NLGN1: variants seen among roughly 807,000 people sequenced by gnomAD.
NLGN1 encodes neuroligin 1.
Under a neutral mutation model 65.5 loss-of-function variants are expected in NLGN1, and 12 were observed. That is an observed-to-expected ratio of 0.18 (90% CI 0.12 to 0.30). The LOEUF (loss-of-function observed/expected upper bound fraction) is 0.30, where lower values mean the gene tolerates loss of function less well. Among genes scored for constraint, NLGN1 ranks in the 10% least tolerant of loss-of-function variants. The pLI, the probability that NLGN1 is intolerant of heterozygous loss-of-function variation, is 1.00. For missense variants in NLGN1, 750 were observed against 1,007.1 expected, an observed-to-expected ratio of 0.74 and a Z score of 3.46; for synonymous variants, 350 against 359.5, an observed-to-expected ratio of 0.97 and a Z score of 0.30.
rs80153837 is a variant in NLGN1 at position 173,647,232 on chromosome 3, C to A, written c.493+42141C>A. 1.7e-3 allele frequency among the ~76,000 whole-genome samples: 254 copies of A among 152,094 alleles called. 3 individuals carry two copies. Among genetic ancestry groups the A allele is most frequent in the Non-Finnish European group, 2.0e-3 (138 of 67,924 alleles). On this transcript the variant is annotated intron_variant, in intron 3 of 6. Coordinates refer to ENST00000457714, the Ensembl canonical transcript of NLGN1. Reference sequence around the variant, plus strand: ...AACTTCAAGGAGAAACAGACAAATACAAAATTTTAATCAGAAATTGAAATA... The same window carrying A: ...AACTTCAAGGAGAAACAGACAAATAAAAAATTTTAATCAGAAATTGAAATA...
chr3:173,678,146 C>T (rs1428292684), intron 3 of NLGN1, among the ~76,000 whole-genome samples: 1 of 152,030 alleles, frequency 6.6e-6, no homozygotes, highest in Non-Finnish European at 1.5e-5. Context: ...CCTGAGCGTC[C>T]ACAGGCCTTT....
chr3:173,683,016 G>T (rs1420533259), intron 3 of NLGN1, among the ~76,000 whole-genome samples: 2 of 152,134 alleles, frequency 1.3e-5, no homozygotes, highest in Non-Finnish European at 2.9e-5. Flanking sequence ...ACTGTTAAAA[G>T]TTATTAAAAC....
chr3:173,434,645 A>G (rs1019912264), intron 1 of NLGN1, among the ~76,000 whole-genome samples: 2 of 152,190 alleles, frequency 1.3e-5, no homozygotes, highest in African/African-American at 2.4e-5. Flanking sequence ...ATCAAGAGCT[A>G]AGTTCCTTGA....
intron 4 of NLGN1, among the ~76,000 whole-genome samples, chr3:174,101,167 G>T (rs747799449): frequency 2.2e-4 from 34 of 152,228 alleles, no homozygotes; most frequent in Non-Finnish European, 4.6e-4. Flanking sequence ...ATTCAACCAT[G>T]CAAGTAAGGT....
At chr3:173,522,788 A>G (rs1734983466) in intron 2 of NLGN1, among the ~76,000 whole-genome samples, 1 of 152,110 alleles carries the variant, frequency 6.6e-6, no homozygotes. Flanking sequence ...GATACGCAGT[A>G]GTGGGATTTC....
At chr3:173,875,682 C>G (rs1411531376) in intron 4 of NLGN1, among the ~76,000 whole-genome samples, 2 of 151,824 alleles carry the variant, frequency 1.3e-5, no homozygotes, top group Non-Finnish European at 2.9e-5. Context: ...AAACAGAATC[C>G]TCATAATGCC....
At chr3:173,914,099 G>T (rs1223008297) in intron 4 of NLGN1, among the ~76,000 whole-genome samples, 1 of 152,142 alleles carries the variant, frequency 6.6e-6, no homozygotes, top group Non-Finnish European at 1.5e-5. Context: ...ATACACAGTT[G>T]ATATATTTGG....
chr3:174,106,980 TCACACACACACACACACACA>T (rs370193288), intron 4 of NLGN1, among the ~76,000 whole-genome samples: 1 of 113,094 alleles, frequency 8.8e-6, no homozygotes, highest in Non-Finnish European at 1.9e-5. Context: ...TCTTCAAGAA[TCACACACACACACACACACA>T]CACACACACA....
chr3:174,032,679 T>C lies in NLGN1; in HGVS notation c.646+224847T>C, dbSNP rs111527932. 2.5e-3 allele frequency among the ~76,000 whole-genome samples: 373 copies of C among 152,232 alleles called. 2 individuals are homozygous for C. The highest frequency in any genetic ancestry group is 8.6e-3 in the African/African-American group (358 of 41,546). ...CTCCAGTACCTCCACTAAAATCTTATGGTGAAGAACCAAGAAAGTTGATGT... is the reference window on the plus strand; with the variant it reads ...CTCCAGTACCTCCACTAAAATCTTACGGTGAAGAACCAAGAAAGTTGATGT... On this transcript the variant is annotated intron_variant, in intron 4 of 6. Transcript: ENST00000457714.
intron 1 of NLGN1, among the ~76,000 whole-genome samples, chr3:173,411,672 A>T (rs1166019219): frequency 2.6e-5 from 4 of 152,112 alleles, no homozygotes; most frequent in Non-Finnish European, 4.4e-5. Flanking sequence ...GCCACGGAAG[A>T]TATTAAGCAT....
At chr3:174,088,404 T>G (rs1743831150) in intron 4 of NLGN1, among the ~76,000 whole-genome samples, 1 of 152,064 alleles carries the variant, frequency 6.6e-6, no homozygotes, top group South Asian at 2.1e-4. Context: ...AGGGCGTTGT[T>G]TATCAAACTG....
intron 2 of NLGN1, among the ~76,000 whole-genome samples, chr3:173,557,710 A>G (rs1741941673): frequency 6.6e-6 from 1 of 152,062 alleles, no homozygotes; most frequent in Non-Finnish European, 1.5e-5. Flanking sequence ...CCCTTTCCAT[A>G]TATTTTATGC....
intron 4 of NLGN1, among the ~76,000 whole-genome samples, chr3:173,825,682 A>G (rs1024188028): frequency 2.0e-5 from 3 of 152,070 alleles, no homozygotes; most frequent in African/African-American, 7.2e-5. Context: ...TGAGAATTAC[A>G]TCTGAAAGGA....
At chr3:173,636,756 G>C (rs1418579762) in intron 3 of NLGN1, among the ~76,000 whole-genome samples, 1 of 152,104 alleles carries the variant, frequency 6.6e-6, no homozygotes, top group East Asian at 1.9e-4. Flanking sequence ...TATAAAGATA[G>C]ATTATTTTGT....
chr3:173,652,716 T>G (rs1297863932), intron 3 of NLGN1, among the ~76,000 whole-genome samples: 2 of 152,202 alleles, frequency 1.3e-5, no homozygotes, highest in African/African-American at 2.4e-5. Context: ...TAGGGTTGCT[T>G]TGGCTATTCG....
At chr3:173,759,966 G>A (rs1777720220) in intron 3 of NLGN1, among the ~76,000 whole-genome samples, 1 of 151,922 alleles carries the variant, frequency 6.6e-6, no homozygotes, top group Non-Finnish European at 1.5e-5. Flanking sequence ...TTAGTGGGTA[G>A]TTAGTTGTAA....
chr3:173,466,247 G>GTT (rs1382071588), intron 2 of NLGN1, among the ~76,000 whole-genome samples: 2 of 152,108 alleles, frequency 1.3e-5, no homozygotes, highest in African/African-American at 2.4e-5. Context: ...CCTGAGATCT[G>GTT]TTTTGAATAT....
At chr3:173,521,848 G>T (rs968670041) in intron 2 of NLGN1, among the ~76,000 whole-genome samples, 1 of 152,172 alleles carries the variant, frequency 6.6e-6, no homozygotes, top group Non-Finnish European at 1.5e-5. Context: ...TTTGGGTTCA[G>T]ATTTTTTAAA....
At chr3:173,751,650 A>G (rs1776311242) in intron 3 of NLGN1, among the ~76,000 whole-genome samples, 1 of 152,220 alleles carries the variant, frequency 6.6e-6, no homozygotes, top group South Asian at 2.1e-4. Flanking sequence ...AAGCAAATCA[A>G]CAATTTTGTT....
Sources: gnomAD v4.1 joint callset for allele counts (sites outside exome capture counted in the v4.1 genomes callset) on GRCh38, gnomAD v4.1.1 for gene constraint, MANE v1.5 for transcripts, NCBI Gene and HGNC (gene_info 2026-07-23, HGNC 2026-07-21) for gene names.